Variants in MCCC2 observed in about 807,000 individuals in gnomAD.
MCCC2 encodes the protein methylcrotonoyl-CoA carboxylase beta chain, mitochondrial.
Under a neutral mutation model 77.2 loss-of-function variants are expected in MCCC2, and 52 were observed. That is an observed-to-expected ratio of 0.67 (90% CI 0.54 to 0.85). The LOEUF (loss-of-function observed/expected upper bound fraction) is 0.85, where lower values mean the gene tolerates loss of function less well. MCCC2 is among the 40% of genes least tolerant of loss of function. The pLI is 0.00. For missense variants in MCCC2, 682 were observed against 703.2 expected, an observed-to-expected ratio of 0.97 and a Z score of 0.34; for synonymous variants, 253 against 248.4, an observed-to-expected ratio of 1.02 and a Z score of -0.18.
chr5:71,652,800 G>A (rs1747476126), intron 16 of MCCC2, 46 bp downstream of exon 16: 1 of 1,512,738 alleles, frequency 6.6e-7, no homozygotes, highest in Non-Finnish European at 9.2e-7. Flanking sequence ...GCAGATGGCA[G>A]TCAGAGGAAC....
At chr5:71,650,349 A>G (rs536929004) in intron 15 of MCCC2, among the ~76,000 whole-genome samples, 166 bp downstream of exon 15, 33 of 152,286 alleles carry the variant, frequency 2.2e-4, no homozygotes, top group Non-Finnish European at 4.3e-4. Context: ...GTTCCAGCAA[A>G]TCACATGATT....
At chr5:71,591,657 G>A (rs1043167457) in intron 1 of MCCC2, among the ~76,000 whole-genome samples, 2 of 151,886 alleles carry the variant, frequency 1.3e-5, no homozygotes, top group Non-Finnish European at 1.5e-5. Flanking sequence ...GGCTGGTCTC[G>A]AACTCCCGAC....
intron 6 of MCCC2, among the ~76,000 whole-genome samples, chr5:71,612,993 T>C (rs1171726048): frequency 6.6e-6 from 1 of 152,222 alleles, no homozygotes; most frequent in East Asian, 1.9e-4. Context: ...TTCCAGCTCC[T>C]GGTGGCTCCA....
intron 6 of MCCC2, among the ~76,000 whole-genome samples, chr5:71,617,204 G>T (rs1372026955): frequency 6.6e-6 from 1 of 152,074 alleles, no homozygotes; most frequent in African/African-American, 2.4e-5. Context: ...ATCTGCTCAG[G>T]CCCATGCTGG....
At chr5:71,645,348 A>G (rs1241042488) in intron 12 of MCCC2, among the ~76,000 whole-genome samples, 1 of 152,250 alleles carries the variant, frequency 6.6e-6, no homozygotes, top group Non-Finnish European at 1.5e-5. Context: ...AGAAATTCAG[A>G]TAGACTAAAA....
intron 14 of MCCC2, among the ~76,000 whole-genome samples, chr5:71,649,527 T>C (rs1364819114): frequency 6.6e-6 from 1 of 152,178 alleles, no homozygotes; most frequent in Non-Finnish European, 1.5e-5. Flanking sequence ...AGTCTGGCTC[T>C]GAGAAAGGTA....
chr5:71,656,365 C>T (rs1368204589), intron 16 of MCCC2, among the ~76,000 whole-genome samples: 1 of 152,046 alleles, frequency 6.6e-6, no homozygotes, highest in African/African-American at 2.4e-5. Flanking sequence ...TGTGGTTCTG[C>T]ATATTAATGA....
At chr5:71,598,135 C>T (rs1050655182) in intron 3 of MCCC2, among the ~76,000 whole-genome samples, 6 of 147,662 alleles carry the variant, frequency 4.1e-5, no homozygotes, top group African/African-American at 1.5e-4. Context: ...TGCAGTGGCG[C>T]GATCTCCGTT....
chr5:71,600,479 G>A (rs922614478), intron 4 of MCCC2, among the ~76,000 whole-genome samples: 5 of 151,688 alleles, frequency 3.3e-5, no homozygotes, highest in African/African-American at 1.2e-4. Context: ...AGGCTGGAGT[G>A]CAGTGACATG....
intron 4 of MCCC2, among the ~76,000 whole-genome samples, 173 bp from the exon 5 acceptor site, chr5:71,602,333 T>C (rs1745468593): frequency 6.6e-6 from 1 of 152,234 alleles, no homozygotes; most frequent in South Asian, 2.1e-4. Context: ...TAAATTAATA[T>C]GTGAACTGTG....
chr5:71,602,772 T>C, intron 5 of MCCC2, 139 bp downstream of exon 5: 1 of 1,283,238 alleles, frequency 7.8e-7, no homozygotes, highest in Non-Finnish European at 1.1e-6. Flanking sequence ...GAAACACAGG[T>C]TCTTTGCTGA....
intron 1 of MCCC2, among the ~76,000 whole-genome samples, chr5:71,590,977 A>G (rs1233559496): frequency 2.6e-5 from 4 of 152,164 alleles, no homozygotes; most frequent in Non-Finnish European, 4.4e-5. Context: ...AGTTCTGTAT[A>G]TTGTGTTAGC....
intron 6 of MCCC2, among the ~76,000 whole-genome samples, chr5:71,623,104 A>G (rs983344546): frequency 6.6e-6 from 1 of 152,250 alleles, no homozygotes; most frequent in Non-Finnish European, 1.5e-5. Context: ...ACAACAATAG[A>G]AAAGTACTTC....
Position 71,644,032 on chromosome 5 carries a change from C to CGTGTGTGT in MCCC2, c.1149+137_1149+138insGTGTGTGT, listed in dbSNP as rs746221732. 101 of 538,674 alleles carry CGTGTGTGT rather than the reference C, an allele frequency of 1.9e-4. 1 individual carries two copies. Among genetic ancestry groups the CGTGTGTGT allele is most frequent in the East Asian group, 3.8e-4 (7 of 18,616 alleles). The allele number at this position is 538,674 out of a possible 1,614,324, so 33.4% of individuals were successfully genotyped here. On this transcript the variant is annotated intron_variant, in intron 12 of 16. Coordinates refer to ENST00000340941, the MANE Select transcript of MCCC2 (RefSeq NM_022132.5). ...GCAACCAGAACACTGTGTGCGCGGGCATGTGTGTGTGTGTGTGTGTGTGTG... is the reference window on the plus strand; with the variant it reads ...GCAACCAGAACACTGTGTGCGCGGGCGTGTGTGTATGTGTGTGTGTGTGTGTGTGTGTG...
intron 7 of MCCC2, among the ~76,000 whole-genome samples, chr5:71,631,602 G>A (rs1313317512): frequency 2.0e-5 from 3 of 148,712 alleles, no homozygotes; most frequent in East Asian, 2.0e-4. Context: ...CTGCAGTGGC[G>A]CAATCTCGGC....
At chr5:71,618,528 CCTTCCTTCCTTCCTTCCTTCCTTT>C (rs1421971761) in intron 6 of MCCC2, among the ~76,000 whole-genome samples, 96 of 59,854 alleles carry the variant, frequency 1.6e-3, no homozygotes, top group Admixed American at 3.5e-3. Flanking sequence ...TTCCTTCCTT[CCTTCCTTCCTTCCTTCCTTCCTTT>C]CTTTCTTTCT....
chr5:71,599,743 C>T lies in MCCC2; in HGVS notation c.366C>T (p.Gly122=), dbSNP rs1745348861. The change falls in exon 4 of 17, where the codon GGC becomes GGT. Residue 122 remains glycine (G), a synonymous_variant. Transcript: ENST00000340941. ...EEVPGGGIIT[G]IGRVSGVECM... ...TGCCAGGAGGTGGCATTATTACAGGCATTGGAAGAGTATCAGGGTGAGTAT... is the reference window on the plus strand; with the variant it reads ...TGCCAGGAGGTGGCATTATTACAGGTATTGGAAGAGTATCAGGGTGAGTAT... 1.2e-6 allele frequency: 2 copies of T among 1,613,766 alleles called. No homozygotes were observed. The highest frequency in any genetic ancestry group is 1.7e-6 in the Non-Finnish European group (2 of 1,179,642).
At chr5:71,645,215 A>G (rs1044838050) in intron 12 of MCCC2, among the ~76,000 whole-genome samples, 3 of 152,156 alleles carry the variant, frequency 2.0e-5, no homozygotes, top group Non-Finnish European at 2.9e-5. Context: ...CTGACGTTTC[A>G]TTTGTTGAAA....
chr5:71,637,914 G>A (rs748138334), intron 10 of MCCC2, among the ~76,000 whole-genome samples: 23 of 151,982 alleles, frequency 1.5e-4, no homozygotes, highest in South Asian at 4.2e-4. Context: ...GGGTTTCACC[G>A]TATTAGCCAG....
Sources: gnomAD v4.1 joint callset for allele counts (sites outside exome capture counted in the v4.1 genomes callset) on GRCh38, gnomAD v4.1.1 for gene constraint, MANE v1.5 for transcripts, NCBI Gene and HGNC (gene_info 2026-07-23, HGNC 2026-07-21) for gene names.